MYO1H: variants seen among roughly 807,000 people sequenced by gnomAD.
MYO1H encodes the protein unconventional myosin-Ih.
In MYO1H, 118 loss-of-function variants were observed where a neutral mutation model predicts 149.3. That is an observed-to-expected ratio of 0.79 (90% CI 0.68 to 0.92). The LOEUF is 0.92. MYO1H is among the 40% of genes least tolerant of loss of function. The probability of loss-of-function intolerance (pLI) is 0.00; values close to 1 mark genes in which losing one functional copy is unlikely to be tolerated. For missense variants in MYO1H, 1,212 were observed against 1,280.7 expected, an observed-to-expected ratio of 0.95 and a Z score of 0.82; for synonymous variants, 447 against 465.2, an observed-to-expected ratio of 0.96 and a Z score of 0.50.
intron 1 of MYO1H, among the ~76,000 whole-genome samples, chr12:109,374,085 A>G (rs1869043313): frequency 1.3e-5 from 2 of 152,246 alleles, no homozygotes; most frequent in African/African-American, 4.8e-5. Flanking sequence ...TCTTTGAACA[A>G]TGCTGTTCTT....
At position 109,417,239 on chromosome 12, in the gene MYO1H, C is replaced by T. The variant is rs566277200; in HGVS notation, c.1597+1619C>T. Among the ~76,000 whole-genome samples the T allele has an allele frequency of 2.0e-5, 3 of 152,288 alleles. No individual in the cohort carries two copies. The East Asian group carries it at 5.8e-4, about 29-fold the overall frequency. ...GGAATTGCCAGGTCATTTTCCAAAG[C>T]AGCTGCACCGTTTTACATTTCCACC... is the stretch of plus-strand genomic sequence containing the variant. On this transcript the variant is annotated intron_variant, in intron 15 of 31. Transcript: ENST00000310903.
At chr12:109,322,720 T>C in the MYO1H span, among the ~76,000 whole-genome samples, 1 of 148,808 alleles carries the variant, frequency 6.7e-6, no homozygotes, top group Non-Finnish European at 1.5e-5. Context: ...CTCGGGAGGC[T>C]GAGGCAGAAG....
At chr12:109,310,718 C>T in the MYO1H span, among the ~76,000 whole-genome samples, 1 of 152,134 alleles carries the variant, frequency 6.6e-6, no homozygotes, top group African/African-American at 2.4e-5. Flanking sequence ...GTGACCTTGG[C>T]ACTGGTCCAT....
rs1479029542 is a variant in MYO1H at position 109,440,847 on chromosome 12, G to A, written c.2538+20G>A. The A allele has an allele frequency of 7.9e-6, 12 of 1,518,582 alleles. No individual in the cohort carries two copies. The highest frequency in any genetic ancestry group is 2.8e-5 in the African/African-American group (2 of 72,288). The allele number at this position is 1,518,582 out of a possible 1,614,324, so 94.1% of individuals were successfully genotyped here. On this transcript the variant is annotated intron_variant, in intron 25 of 31. Coordinates refer to ENST00000310903, the Ensembl canonical transcript of MYO1H. Reference sequence around the variant, plus strand: ...GCAATGGTAGGGACATGATGTCTGCGGTGGCCGGTGGTGGGGGTGGGTGTA... The same window carrying A: ...GCAATGGTAGGGACATGATGTCTGCAGTGGCCGGTGGTGGGGGTGGGTGTA...
intron 16 of MYO1H, among the ~76,000 whole-genome samples, chr12:109,421,718 C>T: frequency 6.6e-6 from 1 of 152,128 alleles, no homozygotes; most frequent in East Asian, 1.9e-4. Context: ...CACAAGGCCA[C>T]ATCATGAGGT....
intron 3 of MYO1H, among the ~76,000 whole-genome samples, chr12:109,395,129 G>C (rs945285828): frequency 1.3e-5 from 2 of 152,128 alleles, no homozygotes; most frequent in Non-Finnish European, 2.9e-5. Flanking sequence ...ATATTCCTGG[G>C]ATACCTTCAT....
At chr12:109,443,047 T>TGTGTGTGTATACACATATGTGC in intron 27 of MYO1H, among the ~76,000 whole-genome samples, 1 of 85,968 alleles carries the variant, frequency 1.2e-5, no homozygotes, top group Non-Finnish European at 2.4e-5. Context: ...TGTGTGTGTG[T>TGTGTGTGTATACACATATGTGC]ATATATGTGT....
At chr12:109,353,035 G>T (rs887095260) in intron 1 of MYO1H, among the ~76,000 whole-genome samples, 2 of 152,074 alleles carry the variant, frequency 1.3e-5, no homozygotes, top group African/African-American at 4.8e-5. Flanking sequence ...ATTTGTTGAT[G>T]AAAATAATTT....
chr12:109,318,964 TTGGTTTTG>T, the MYO1H span, among the ~76,000 whole-genome samples: 21 of 67,832 alleles, frequency 3.1e-4, no homozygotes, highest in African/African-American at 5.0e-4. Context: ...CTCTGCGTTT[TTGGTTTTG>T]TTTTTTTTTT....
the MYO1H span, among the ~76,000 whole-genome samples, chr12:109,335,194 G>A: frequency 6.6e-6 from 1 of 152,014 alleles, no homozygotes; most frequent in African/African-American, 2.4e-5. Flanking sequence ...TCTGATTTGG[G>A]GCTATTATGA....
the MYO1H span, among the ~76,000 whole-genome samples, chr12:109,325,551 A>G: frequency 6.6e-6 from 1 of 152,244 alleles, no homozygotes; most frequent in East Asian, 1.9e-4. Context: ...AAAACACCAA[A>G]AGCAATTTCA....
the MYO1H span, among the ~76,000 whole-genome samples, chr12:109,327,243 T>C: frequency 6.7e-6 from 1 of 149,970 alleles, no homozygotes; most frequent in Non-Finnish European, 1.5e-5. Context: ...AGCAATTCTC[T>C]GCCTCAGCCT....
chr12:109,397,873 C>A, intron 5 of MYO1H, 61 bp downstream of exon 5: 2 of 1,314,312 alleles, frequency 1.5e-6, no homozygotes, highest in East Asian at 2.5e-5. Context: ...TGACGGAACC[C>A]AAGCCAAGGC....
chr12:109,313,009 G>A, the MYO1H span, among the ~76,000 whole-genome samples: 2 of 152,192 alleles, frequency 1.3e-5, no homozygotes, highest in Middle Eastern at 6.8e-3. Flanking sequence ...GGGAGGCCGA[G>A]GCGGGTGGAT....
exon 32 of MYO1H, chr12:109,447,321 C>G (rs1026336829): frequency 1.3e-6 from 1 of 793,998 alleles, no homozygotes. Context: ...TCTGAAGAAA[C>G]TGAGGGGCGT....
At chr12:109,330,934 G>T in the MYO1H span, among the ~76,000 whole-genome samples, 1 of 152,116 alleles carries the variant, frequency 6.6e-6, no homozygotes, top group African/African-American at 2.4e-5. Context: ...CTGGGTGGTG[G>T]TCATGTAGAT....
At chr12:109,397,630 GCT>G in intron 4 of MYO1H, 100 bp from the exon 5 acceptor site, 1 of 836,916 alleles carries the variant, frequency 1.2e-6, no homozygotes, top group Non-Finnish European at 1.8e-6. Context: ...GGCTCCTTCC[GCT>G]CTCTCTCCTC....
intron 1 of MYO1H, among the ~76,000 whole-genome samples, chr12:109,387,041 T>TGTGTG (rs1869364443): frequency 3.1e-5 from 4 of 128,094 alleles, no homozygotes; most frequent in South Asian, 2.5e-4. Flanking sequence ...TGTGTGTGTG[T>TGTGTG]AGTGTAGTGT....
chr12:109,347,649 TAGTC>T (rs1868365034), upstream of MYO1H, among the ~76,000 whole-genome samples: 1 of 152,006 alleles, frequency 6.6e-6, no homozygotes, highest in African/African-American at 2.4e-5. Flanking sequence ...ATTATTTCAA[TAGTC>T]AGTGACTGGT....
Sources: gnomAD v4.1 joint callset for allele counts (sites outside exome capture counted in the v4.1 genomes callset) on GRCh38, gnomAD v4.1.1 for gene constraint, MANE v1.5 for transcripts, NCBI Gene and HGNC (gene_info 2026-07-23, HGNC 2026-07-21) for gene names.